Variants in SLC15A1 observed in about 807,000 individuals in gnomAD.
SLC15A1 encodes solute carrier family 15 member 1, also known as Caco-2 oligopeptide transporter.
SLC15A1 carries 83 observed loss-of-function variants against 92.9 expected under a neutral mutation model. The observed-to-expected ratio is 0.89, with a 90% CI of 0.75 to 1.07. The LOEUF (loss-of-function observed/expected upper bound fraction) is 1.07. SLC15A1 is among the 50% of genes least tolerant of loss of function. SLC15A1 has a pLI of 0.00. For synonymous variants in SLC15A1, 322 were observed against 318.2 expected (o/e 1.01, Z -0.13); for missense variants, 857 against 880.1 (o/e 0.97, Z 0.33).
At chr13:98,738,714 C>G (rs1448953989) in intron 1 of SLC15A1, among the ~76,000 whole-genome samples, 1 of 152,260 alleles carries the variant, frequency 6.6e-6, no homozygotes, top group African/African-American at 2.4e-5. Flanking sequence ...AGGCAGAAGC[C>G]TGCTGCAGGG....
chr13:98,728,989 AAAAAAAAAAAAAAAAAAC>A (rs1459699239), intron 1 of SLC15A1, among the ~76,000 whole-genome samples: 1 of 146,026 alleles, frequency 6.8e-6, no homozygotes, highest in Non-Finnish European at 1.5e-5. Flanking sequence ...AAAAAAAAAA[AAAAAAAAAAAAAAAAAAC>A]AACAAGCCCC....
chr13:98,718,526 A>C (rs1033529832), intron 8 of SLC15A1, among the ~76,000 whole-genome samples: 2 of 151,888 alleles, frequency 1.3e-5, no homozygotes, highest in Non-Finnish European at 2.9e-5. Context: ...AAACAACAAC[A>C]AAAAAACCAG....
Position 98,704,348 on chromosome 13 carries a change from C to A in SLC15A1, c.1357G>T (p.Asp453Tyr), listed in dbSNP as rs549365999. 28 of 1,613,708 alleles carry A rather than the reference C, an allele frequency of 1.7e-5. No individual in the cohort carries two copies. The highest frequency in any genetic ancestry group is 2.3e-5 in the Non-Finnish European group (27 of 1,179,888). ...PGSPVTAVTD[D>Y]FKQGQRHTLL... ...GTGTGGCGTTGGCCCTGCTTGAAGT[C>A]GTCAGTTACAGCAGTGACTGGTGAT... The change falls in exon 17 of 23, where the codon GAC (aspartate) becomes TAC (tyrosine). Residue 453 changes from aspartate (D) to tyrosine (Y), a missense_variant. Asp to Tyr is a radical substitution (Grantham distance 160, BLOSUM62 -3). Coordinates refer to ENST00000376503, the MANE Select transcript of SLC15A1 (RefSeq NM_005073.4).
intron 20 of SLC15A1, 54 bp downstream of exon 20, chr13:98,688,194 T>C (rs1352379597): frequency 1.7e-6 from 2 of 1,184,880 alleles, no homozygotes; most frequent in African/African-American, 1.5e-5. Flanking sequence ...TTGTGAGTCT[T>C]CATATCAATC....
chr13:98,724,152 T>C (rs1210693620), intron 4 of SLC15A1, 121 bp from the exon 5 acceptor site: 2 of 1,245,990 alleles, frequency 1.6e-6, no homozygotes, highest in East Asian at 2.4e-5. Context: ...ATACACTTAT[T>C]TCTCAAACTT....
rs756013521 is a variant in SLC15A1, at chr13:98,719,311, C to T, written c.566G>A (p.Cys189Tyr). ...ACAAGCTTGTTTACTGTGAATTCCACATTGTTGAACTGGGGAGAAATGACA... is the reference window on the plus strand; with the variant it reads ...ACAAGCTTGTTTACTGTGAATTCCATATTGTTGAACTGGGGAGAAATGACA... Reference protein sequence around the residue: ...IITPMLRVQQCGIHSKQACYP... With the variant: ...IITPMLRVQQYGIHSKQACYP... The change falls in exon 8 of 23, where the codon TGT becomes TAT. Residue 189 changes from cysteine (C) to tyrosine (Y), a missense_variant. Cys to Tyr is a radical substitution (Grantham distance 194). Coordinates refer to ENST00000376503, the MANE Select transcript of SLC15A1 (RefSeq NM_005073.4). 2.5e-6 allele frequency: 4 copies of T among 1,612,680 alleles called. No individual in the cohort carries two copies. Among genetic ancestry groups the T allele is most frequent in the Middle Eastern group, 1.6e-4 (1 of 6,076 alleles).
intron 1 of SLC15A1, among the ~76,000 whole-genome samples, chr13:98,739,328 T>C (rs1191304885): frequency 6.6e-6 from 1 of 152,148 alleles, no homozygotes; most frequent in Non-Finnish European, 1.5e-5. Context: ...TATTTTGAAA[T>C]GTGAGAGGGA....
chr13:98,723,844 G>A (rs1447892874), intron 5 of SLC15A1, 68 bp downstream of exon 5: 25 of 1,599,648 alleles, frequency 1.6e-5, no homozygotes, highest in South Asian at 5.6e-5. Flanking sequence ...GGAAAAAGAC[G>A]AAGACTTAAG....
chr13:98,697,258 G>C (rs1167332547), intron 18 of SLC15A1, among the ~76,000 whole-genome samples: 9 of 152,104 alleles, frequency 5.9e-5, no homozygotes, highest in African/African-American at 2.2e-4. Flanking sequence ...GTTTCACCAT[G>C]TTGGCCAGGC....
chr13:98,708,707 G>C lies in SLC15A1; in HGVS notation c.1128C>G (p.Ala376=), dbSNP rs770703440. The change falls in exon 15 of 23, where the codon GCC becomes GCG. Residue 376 remains alanine, a synonymous_variant. Coordinates refer to ENST00000376503, the MANE Select transcript of SLC15A1 (RefSeq NM_005073.4). ...TCACATCGATTTCCACCTGCACGAT[G>C]GCAGCCACCACAAAGGCCATGGAGG... The part of the protein sequence containing the change: ...VLASMAFVVA[A]IVQVEIDKTL... 1 of 1,613,346 alleles carries C rather than the reference G, an allele frequency of 6.2e-7. No individual in the cohort carries two copies. Among genetic ancestry groups the C allele is most frequent in the Non-Finnish European group, 8.5e-7 (1 of 1,179,788 alleles).
At chr13:98,714,063 A>AG (rs2088191637) in intron 9 of SLC15A1, among the ~76,000 whole-genome samples, 1 of 150,836 alleles carries the variant, frequency 6.6e-6, no homozygotes, top group South Asian at 2.1e-4. Context: ...AAAAAGGAAA[A>AG]AAAAAAAAAA....
chr13:98,742,696 T>C (rs2088458441), intron 1 of SLC15A1, among the ~76,000 whole-genome samples: 1 of 152,190 alleles, frequency 6.6e-6, no homozygotes, highest in African/African-American at 2.4e-5. Context: ...GAACATCACC[T>C]CCACCTCTGC....
At chr13:98,730,557 G>T (rs1228629653) in intron 1 of SLC15A1, among the ~76,000 whole-genome samples, 1 of 152,176 alleles carries the variant, frequency 6.6e-6, no homozygotes, top group Non-Finnish European at 1.5e-5. Context: ...GCTGCATGGC[G>T]GGTGAGCCCA....
At chr13:98,739,426 T>C (rs2088422137) in intron 1 of SLC15A1, among the ~76,000 whole-genome samples, 1 of 152,208 alleles carries the variant, frequency 6.6e-6, no homozygotes, top group Non-Finnish European at 1.5e-5. Context: ...TGCTCAATTG[T>C]TGGAGGTGGG....
At position 98,707,439 on chromosome 13, in the gene SLC15A1, G is replaced by C. The variant is rs2088121290; in HGVS notation, c.1150-1186C>G. On this transcript the variant is annotated intron_variant, in intron 15 of 22. Transcript: ENST00000376503. ...ATAATGCCACTCATAGGAAGTGCTA[G>C]AGTAGTCAGATTCATAGACTCAGAA... is the stretch of plus-strand genomic sequence containing the variant. 3.9e-5 allele frequency among the ~76,000 whole-genome samples: 6 copies of C among 152,174 alleles called. No homozygotes were observed. In the South Asian group the frequency reaches 1.2e-3, roughly 32 times the overall value.
At chr13:98,738,877 C>A (rs2088417451) in intron 1 of SLC15A1, among the ~76,000 whole-genome samples, 1 of 152,236 alleles carries the variant, frequency 6.6e-6, no homozygotes, top group East Asian at 1.9e-4. Flanking sequence ...GATCCACCAA[C>A]ATCTTGCACT....
intron 19 of SLC15A1, 36 bp downstream of exon 19, chr13:98,688,434 G>A: frequency 6.2e-7 from 1 of 1,605,356 alleles, no homozygotes; most frequent in Non-Finnish European, 8.5e-7. Flanking sequence ...AAAAATTCTT[G>A]AACCTTTGAG....
intron 18 of SLC15A1, among the ~76,000 whole-genome samples, chr13:98,697,208 A>T (rs1313365082): frequency 6.6e-6 from 1 of 152,126 alleles, no homozygotes; most frequent in African/African-American, 2.4e-5. Flanking sequence ...GGCACGCACC[A>T]CCACGCCCGG....
chr13:98,726,101 C>A (rs759802344), intron 4 of SLC15A1, 22 bp downstream of exon 4: 1 of 1,611,002 alleles, frequency 6.2e-7, no homozygotes, highest in Non-Finnish European at 8.5e-7. Flanking sequence ...TGTTTGTGAA[C>A]AAGAAATTTC....
Sources: allele counts gnomAD v4.1 joint callset (sites outside exome capture counted in the v4.1 genomes callset), GRCh38; gene constraint gnomAD v4.1.1; transcripts MANE v1.5; gene names NCBI Gene and HGNC (gene_info 2026-07-23, HGNC 2026-07-21).